The following CLVS1 variants were observed in gnomAD, a reference collection of about 807,000 sequenced individuals.
The protein encoded by CLVS1 is clavesin 1, also known as clavesin-1.
CLVS1 carries 10 observed loss-of-function variants against 33.1 expected under a neutral mutation model. The ratio of observed to expected loss-of-function variants is 0.30; its 90% CI spans 0.19 to 0.51. CLVS1 has a LOEUF of 0.51. Ranked by LOEUF, CLVS1 falls within the 20% of genes least tolerant of loss-of-function variation. The pLI is 0.97. For missense variants in CLVS1, 343 were observed against 433.4 expected (o/e 0.79, Z 1.85); for synonymous variants, 163 against 166.1 (o/e 0.98, Z 0.14).
intron 3 of CLVS1, among the ~76,000 whole-genome samples, chr8:61,444,876 G>A (rs890031719): frequency 1.3e-5 from 2 of 152,298 alleles, no homozygotes; most frequent in Admixed American, 6.5e-5. Context: ...GGGGTGATTA[G>A]GGTAAGGGAA....
In CLVS1 at chr8:61,292,198, C is replaced by G. The variant is rs16927153; in HGVS notation, c.-152+4060C>G. 2,943 of 355,378 alleles carry G rather than the reference C, an allele frequency of 8.3e-3. 85 individuals carry two copies. The highest frequency in any genetic ancestry group is 0.058 in the African/African-American group (2,757 of 47,290). 22.0% of individuals were successfully genotyped at this position (355,378 alleles called of 1,614,324 possible). On this transcript the variant is annotated intron_variant, in intron 1 of 5. Coordinates refer to ENST00000325897, the MANE Select transcript of CLVS1 (RefSeq NM_173519.3). ...ATTCTAAAATGAAACAAAAACCACTCCATGTTCTGAAGAAATAAGAGCTCA... is the reference window on the plus strand; with the variant it reads ...ATTCTAAAATGAAACAAAAACCACTGCATGTTCTGAAGAAATAAGAGCTCA...
At chr8:61,440,228 T>C (rs900708685) in intron 3 of CLVS1, among the ~76,000 whole-genome samples, 13 of 152,248 alleles carry the variant, frequency 8.5e-5, no homozygotes, top group Admixed American at 2.0e-4. Flanking sequence ...TTATTGAATA[T>C]AGATAATATA....
intron 2 of CLVS1, among the ~76,000 whole-genome samples, chr8:61,218,936 C>G (rs565735530): frequency 1.3e-5 from 2 of 152,116 alleles, no homozygotes; most frequent in South Asian, 2.1e-4. Context: ...AAGAGTGAAA[C>G]TTCGTCTCAA....
chr8:61,273,647 C>G (rs1207497870), intron 2 of CLVS1, among the ~76,000 whole-genome samples: 6 of 152,172 alleles, frequency 3.9e-5, no homozygotes, highest in African/African-American at 7.2e-5. Flanking sequence ...AGCGAGACTC[C>G]GTGGGCGTAG....
the CLVS1 span, among the ~76,000 whole-genome samples, chr8:60,996,069 G>C: frequency 6.6e-6 from 1 of 152,104 alleles, no homozygotes; most frequent in Non-Finnish European, 1.5e-5. Context: ...GCTAGATGAC[G>C]AGTTAGTGGG....
intron 3 of CLVS1, among the ~76,000 whole-genome samples, chr8:61,386,744 G>C (rs953636890): frequency 1.1e-4 from 16 of 152,146 alleles, no homozygotes; most frequent in African/African-American, 3.6e-4. Flanking sequence ...GTAAATACAA[G>C]GATGCTGCTG....
rs535653277 is a variant in CLVS1, at chr8:61,356,469, T to A, written c.456-20136T>A. ...TTTTGTTGCCATTGCTTTTGGTGTT[T>A]TAGACATGAAGTCCTTGCTCATGCC... On this transcript the variant is annotated intron_variant, in intron 2 of 5. Transcript: ENST00000325897. Among the ~76,000 whole-genome samples the A allele has an allele frequency of 7.9e-5, 12 of 151,468 alleles. No individual in the cohort carries two copies. In the South Asian group the frequency reaches 1.1e-3, roughly 13 times the overall value.
At chr8:61,436,286 G>C (rs1380613552) in intron 3 of CLVS1, among the ~76,000 whole-genome samples, 2 of 152,136 alleles carry the variant, frequency 1.3e-5, no homozygotes, top group Non-Finnish European at 2.9e-5. Context: ...ACTTCTCTCT[G>C]AATACCACAT....
chr8:61,385,349 T>G (rs1023165897), intron 3 of CLVS1, among the ~76,000 whole-genome samples: 2 of 152,160 alleles, frequency 1.3e-5, no homozygotes, highest in African/African-American at 2.4e-5. Context: ...CTATGTAATA[T>G]ATTAGCAGAA....
chr8:61,288,305 GCCTCC>G (rs1809848916), intron 1 of CLVS1, 167 bp downstream of exon 1: 2 of 455,040 alleles, frequency 4.4e-6, no homozygotes, highest in Non-Finnish European at 4.4e-6. Context: ...GCTCCCCGCC[GCCTCC>G]GCGGTCCATC....
chr8:60,992,835 T>A, the CLVS1 span, among the ~76,000 whole-genome samples: 4 of 151,778 alleles, frequency 2.6e-5, no homozygotes, highest in African/African-American at 4.8e-5. Context: ...GGGAGGTGAA[T>A]TTGAGAAGTG....
At chr8:61,290,150 A>G (rs10087289) in intron 1 of CLVS1, among the ~76,000 whole-genome samples, 3,446 of 152,304 alleles carry the variant, frequency 0.023, 146 homozygotes, top group African/African-American at 0.079. Context: ...GCAGTCCAGG[A>G]ATCCAGTGCC....
At chr8:61,187,767 AATT>A (rs1807372892) in intron 2 of CLVS1, among the ~76,000 whole-genome samples, 1 of 150,060 alleles carries the variant, frequency 6.7e-6, no homozygotes, top group African/African-American at 2.4e-5. Context: ...CTTATAAAAT[AATT>A]ATATATAAGA....
At chr8:61,071,655 C>T (rs1804799145) in intron 1 of CLVS1, among the ~76,000 whole-genome samples, 1 of 152,186 alleles carries the variant, frequency 6.6e-6, no homozygotes, top group African/African-American at 2.4e-5. Flanking sequence ...TGTGGGGGGA[C>T]ATTCTTTAGC....
chr8:61,055,991 A>C (rs1043360180), upstream of CLVS1, among the ~76,000 whole-genome samples: 2 of 152,226 alleles, frequency 1.3e-5, no homozygotes, highest in Non-Finnish European at 2.9e-5. Context: ...TGGGGGGAGA[A>C]AAGCTCATGA....
At chr8:60,975,682 C>A in the CLVS1 span, among the ~76,000 whole-genome samples, 3 of 152,260 alleles carry the variant, frequency 2.0e-5, no homozygotes, top group South Asian at 6.2e-4. Context: ...TTGTTTTGAG[C>A]TGCCAAGTTC....
At chr8:61,137,523 T>C (rs1443629531) in intron 2 of CLVS1, among the ~76,000 whole-genome samples, 1 of 152,172 alleles carries the variant, frequency 6.6e-6, no homozygotes, top group Middle Eastern at 3.2e-3. Flanking sequence ...ACATACTCAG[T>C]TGATTTTCCT....
chr8:61,327,026 A>G (rs1261994819), intron 2 of CLVS1, among the ~76,000 whole-genome samples: 1 of 152,222 alleles, frequency 6.6e-6, no homozygotes, highest in East Asian at 1.9e-4. Flanking sequence ...GCTATCATTA[A>G]GAGTGAGCTA....
chr8:60,994,842 C>A, the CLVS1 span, among the ~76,000 whole-genome samples: 4 of 151,876 alleles, frequency 2.6e-5, no homozygotes, highest in Non-Finnish European at 5.9e-5. Context: ...AGAACAGAGC[C>A]CTCAGAAATA....
Sources: gnomAD v4.1 joint callset for allele counts (sites outside exome capture counted in the v4.1 genomes callset) on GRCh38, gnomAD v4.1.1 for gene constraint, MANE v1.5 for transcripts, NCBI Gene and HGNC (gene_info 2026-07-23, HGNC 2026-07-21) for gene names.